LRP1B: variants seen among roughly 807,000 people sequenced by gnomAD.
The protein encoded by LRP1B is low-density lipoprotein receptor-related protein 1B.
LRP1B carries 217 observed loss-of-function variants against 556.6 expected under a neutral mutation model. That is an observed-to-expected ratio of 0.39 (90% CI 0.35 to 0.44). The LOEUF (loss-of-function observed/expected upper bound fraction) is 0.44. Among genes scored for constraint, LRP1B ranks in the 20% least tolerant of loss-of-function variants. LRP1B has a pLI of 1.00. For missense variants in LRP1B, 5,053 were observed against 5,620.8 expected, an observed-to-expected ratio of 0.90 and a Z score of 3.23; for synonymous variants, 2,047 against 1,865.8, an observed-to-expected ratio of 1.10 and a Z score of -2.50.
intron 1 of LRP1B, among the ~76,000 whole-genome samples, chr2:142,028,374 C>T (rs1703576493): frequency 6.6e-6 from 1 of 151,944 alleles, no homozygotes; most frequent in African/African-American, 2.4e-5. Context: ...CAAACACTGA[C>T]CTATTCATTC....
chr2:141,309,429 A>G (rs1330132388), intron 3 of LRP1B, among the ~76,000 whole-genome samples: 1 of 152,232 alleles, frequency 6.6e-6, no homozygotes, highest in Non-Finnish European at 1.5e-5. Flanking sequence ...CCAAAAATTC[A>G]TATGTTGAAA....
chr2:141,802,437 G>A (rs915302149), intron 2 of LRP1B, among the ~76,000 whole-genome samples: 4 of 152,046 alleles, frequency 2.6e-5, no homozygotes, highest in African/African-American at 9.7e-5. Context: ...CTAATGTTAT[G>A]AAGTTTTTAG....
intron 1 of LRP1B, among the ~76,000 whole-genome samples, chr2:142,127,207 A>G (rs1574714216): frequency 6.6e-6 from 1 of 151,998 alleles, no homozygotes; most frequent in East Asian, 1.9e-4. Context: ...AATTATATTC[A>G]GATTCACACT....
chr2:140,301,978 T>G (rs888138465), intron 83 of LRP1B, among the ~76,000 whole-genome samples: 3 of 152,040 alleles, frequency 2.0e-5, no homozygotes, highest in African/African-American at 7.2e-5. Flanking sequence ...ACTTCCTCAC[T>G]GAATCCATTA....
At chr2:140,564,877 C>A (rs1402896059) in intron 43 of LRP1B, among the ~76,000 whole-genome samples, 2 of 152,012 alleles carry the variant, frequency 1.3e-5, no homozygotes, top group African/African-American at 2.4e-5. Flanking sequence ...TTTAGCATTT[C>A]AGCATAACTT....
At chr2:141,344,008 G>A (rs1274836329) in intron 3 of LRP1B, among the ~76,000 whole-genome samples, 2 of 152,026 alleles carry the variant, frequency 1.3e-5, no homozygotes, top group South Asian at 2.1e-4. Flanking sequence ...GATTTTTTCA[G>A]ACAATATCTG....
At chr2:141,665,066 T>C (rs1690374830) in intron 2 of LRP1B, among the ~76,000 whole-genome samples, 1 of 151,970 alleles carries the variant, frequency 6.6e-6, no homozygotes, top group Admixed American at 6.5e-5. Flanking sequence ...TCTACAACCA[T>C]CTAATCTTTA....
At chr2:141,951,313 T>C (rs1701099616) in intron 1 of LRP1B, among the ~76,000 whole-genome samples, 1 of 152,144 alleles carries the variant, frequency 6.6e-6, no homozygotes, top group African/African-American at 2.4e-5. Flanking sequence ...CTGTACCGAA[T>C]AGTCTCTTAT....
At chr2:141,580,047 A>G (rs1686908715) in intron 2 of LRP1B, among the ~76,000 whole-genome samples, 1 of 152,100 alleles carries the variant, frequency 6.6e-6, no homozygotes. Flanking sequence ...GGAATAAGAA[A>G]CATTTGACCT....
At chr2:141,987,388 G>C (rs1283216357) in intron 1 of LRP1B, among the ~76,000 whole-genome samples, 4 of 151,870 alleles carry the variant, frequency 2.6e-5, no homozygotes, top group Non-Finnish European at 4.4e-5. Context: ...GAAGTAGAGA[G>C]TACCTTCTAT....
At position 141,712,836 on chromosome 2, in the gene LRP1B, ATTTT is replaced by A. The variant is rs1192189235; in HGVS notation, c.205+97439_205+97442del. ...AGGTGCCTGCCACCATGCCCAGCTA[ATTTT>A]TTTTTTTTTTTTTTTTTTTAGTAGA... On this transcript the variant is annotated intron_variant, in intron 2 of 90. Transcript: ENST00000389484. 7.7e-5 allele frequency among the ~76,000 whole-genome samples: 8 copies of A among 103,342 alleles called. No homozygotes were observed. The South Asian group carries it at 2.6e-3, about 34-fold the overall frequency. The allele number at this position is 103,342 out of a possible 152,430, so 67.8% of individuals were successfully genotyped here.
intron 1 of LRP1B, among the ~76,000 whole-genome samples, chr2:141,957,091 A>G (rs975971628): frequency 5.9e-5 from 9 of 152,150 alleles, no homozygotes; most frequent in African/African-American, 1.9e-4. Flanking sequence ...CATAAAGGGA[A>G]TGTTATTTTG....
intron 2 of LRP1B, among the ~76,000 whole-genome samples, chr2:141,734,593 A>T (rs1409486618): frequency 6.6e-6 from 1 of 152,136 alleles, no homozygotes; most frequent in African/African-American, 2.4e-5. Context: ...ATAATTTTTT[A>T]AATGACATTA....
At chr2:141,871,962 C>G (rs1698601515) in intron 1 of LRP1B, among the ~76,000 whole-genome samples, 1 of 151,906 alleles carries the variant, frequency 6.6e-6, no homozygotes. Flanking sequence ...CATGCTAAAA[C>G]AGATCACAGT....
chr2:141,485,615 A>T (rs1395921790), intron 2 of LRP1B, among the ~76,000 whole-genome samples: 1 of 152,110 alleles, frequency 6.6e-6, no homozygotes, highest in Non-Finnish European at 1.5e-5. Context: ...TGCTTTGGGG[A>T]TTACTCTATC....
At chr2:140,587,009 GAAGA>G (rs944200792) in intron 43 of LRP1B, among the ~76,000 whole-genome samples, 1 of 151,880 alleles carries the variant, frequency 6.6e-6, no homozygotes, top group Non-Finnish European at 1.5e-5. Flanking sequence ...AAAAAAAATA[GAAGA>G]AAGAAACCGG....
chr2:141,713,166 G>T (rs1190825913), intron 2 of LRP1B, among the ~76,000 whole-genome samples: 1 of 151,614 alleles, frequency 6.6e-6, no homozygotes, highest in East Asian at 1.9e-4. Context: ...GGGATTAGGG[G>T]TGTGAGCCAC....
At chr2:140,292,236 T>C (rs1273823287) in intron 84 of LRP1B, among the ~76,000 whole-genome samples, 1 of 152,152 alleles carries the variant, frequency 6.6e-6, no homozygotes, top group Non-Finnish European at 1.5e-5. Context: ...CTAATAGTAT[T>C]AATCTCAAAG....
At chr2:141,608,361 G>A (rs1246380184) in intron 2 of LRP1B, among the ~76,000 whole-genome samples, 1 of 152,132 alleles carries the variant, frequency 6.6e-6, no homozygotes, top group Non-Finnish European at 1.5e-5. Context: ...CAAAAGACAC[G>A]ATTGGTGGTA....
Sources: allele counts gnomAD v4.1 joint callset (sites outside exome capture counted in the v4.1 genomes callset), GRCh38; gene constraint gnomAD v4.1.1; transcripts MANE v1.5; gene names NCBI Gene and HGNC (gene_info 2026-07-23, HGNC 2026-07-21).